Variants in GADL1 observed in about 807,000 individuals in gnomAD.
GADL1 encodes acidic amino acid decarboxylase GADL1.
Under a neutral mutation model 69.5 loss-of-function variants are expected in GADL1, and 71 were observed. The observed-to-expected ratio is 1.02, with a 90% confidence interval of 0.84 to 1.25. The LOEUF (loss-of-function observed/expected upper bound fraction) is 1.25, where lower values mean the gene tolerates loss of function less well. Ranked by LOEUF, GADL1 falls within the 50% of genes most tolerant of loss-of-function variation. The pLI is 0.00. For missense variants in GADL1, 737 were observed against 631.8 expected, an observed-to-expected ratio of 1.17 and a Z score of -1.79; for synonymous variants, 254 against 214.4, an observed-to-expected ratio of 1.18 and a Z score of -1.62.
chr3:30,786,414 T>G lies in GADL1; in HGVS notation c.1251-8A>C. The G allele has an allele frequency of 1.5e-6, 2 of 1,344,968 alleles. No homozygotes were observed. Among genetic ancestry groups the G allele is most frequent in the Non-Finnish European group, 2.1e-6 (2 of 940,162 alleles). The allele number at this position is 1,344,968 out of a possible 1,614,324, so 83.3% of individuals were successfully genotyped here. A position where few individuals can be genotyped will look rare whatever the true frequency, so the allele number is the denominator to read the frequency against. On this transcript the variant is annotated splice_polypyrimidine_tract_variant and splice_region_variant and intron_variant, in intron 12 of 14. Coordinates refer to ENST00000282538, the MANE Select transcript of GADL1 (RefSeq NM_207359.3). The stretch of plus-strand genomic sequence containing the variant: ...ATTTCATCTACTAGGTACCTAAAAT[T>G]AAAAGTCACAATAATATTTATAATC...
At chr3:30,867,918 T>C (rs1698427749) in intron 1 of GADL1, among the ~76,000 whole-genome samples, 1 of 152,048 alleles carries the variant, frequency 6.6e-6, no homozygotes, top group Non-Finnish European at 1.5e-5. Context: ...GTTGTGGTTA[T>C]AGGAGAAGCT....
chr3:30,821,644 A>T (rs1483592186), intron 11 of GADL1, among the ~76,000 whole-genome samples: 1 of 152,068 alleles, frequency 6.6e-6, no homozygotes, highest in Non-Finnish European at 1.5e-5. Context: ...ATTAATTCAC[A>T]GGTTTAATAT....
chr3:30,789,432 C>T (rs895554941), intron 12 of GADL1, among the ~76,000 whole-genome samples: 4 of 152,128 alleles, frequency 2.6e-5, no homozygotes, highest in African/African-American at 7.2e-5. Flanking sequence ...GTAAGTTTAG[C>T]GTAAATCTGA....
intron 12 of GADL1, chr3:30,799,838 CA>C (rs1375580099): frequency 2.0e-5 from 3 of 152,276 alleles, no homozygotes; most frequent in African/African-American, 7.2e-5. Flanking sequence ...ATCTCTAGGA[CA>C]GGGGCAAAAT....
intron 1 of GADL1, among the ~76,000 whole-genome samples, chr3:30,868,876 A>T (rs1012050526): frequency 6.6e-6 from 1 of 151,936 alleles, no homozygotes; most frequent in East Asian, 1.9e-4. Flanking sequence ...GAATCCAGAC[A>T]TCTGGTTGGG....
At chr3:30,743,908 T>C (rs372430971) in intron 14 of GADL1, among the ~76,000 whole-genome samples, 7 of 152,088 alleles carry the variant, frequency 4.6e-5, no homozygotes. Context: ...TCCTTTCCCT[T>C]TGGTGCAAGA....
intron 14 of GADL1, among the ~76,000 whole-genome samples, chr3:30,741,001 ATATATAT>A (rs1169762536): frequency 2.2e-5 from 2 of 89,162 alleles, no homozygotes; most frequent in Admixed American, 1.0e-4. Flanking sequence ...TTATATATTA[ATATATAT>A]TATATATTAT....
In GADL1 at chr3:30,870,711, C is replaced by T. The variant is rs74602540; in HGVS notation, c.38-8946G>A. The stretch of plus-strand genomic sequence containing the variant: ...GAACTTTGGTCTGGATGGTGGCAGA[C>T]GAGATGGAGCAAAGTGCTGCAACTT... On this transcript the variant is annotated intron_variant, in intron 1 of 14. Coordinates refer to ENST00000282538, the MANE Select transcript of GADL1 (RefSeq NM_207359.3). Among the ~76,000 whole-genome samples the T allele has an allele frequency of 2.9e-3, 441 of 151,590 alleles. 9 individuals carry two copies. The highest frequency in any genetic ancestry group is 0.01 in the African/African-American group (420 of 41,210).
intron 1 of GADL1, among the ~76,000 whole-genome samples, chr3:30,886,505 C>G (rs1698713597): frequency 6.6e-6 from 1 of 152,070 alleles, no homozygotes; most frequent in Non-Finnish European, 1.5e-5. Flanking sequence ...GAGAAGAGGA[C>G]AGGGCAAGGC....
chr3:30,843,197 G>A (rs112682880), intron 8 of GADL1, among the ~76,000 whole-genome samples: 17 of 151,742 alleles, frequency 1.1e-4, no homozygotes, highest in African/African-American at 4.1e-4. Flanking sequence ...GAGAGAAGCA[G>A]CAAATCTAGC....
intron 13 of GADL1, among the ~76,000 whole-genome samples, chr3:30,783,025 T>C (rs771716305): frequency 2.0e-5 from 3 of 152,198 alleles, no homozygotes; most frequent in Non-Finnish European, 4.4e-5. Flanking sequence ...ATTAGAGCTA[T>C]CTGGAAGAGG....
At chr3:30,850,190 G>A (rs1007144318) in intron 5 of GADL1, 79 bp from the exon 6 acceptor site, 2 of 775,472 alleles carry the variant, frequency 2.6e-6, no homozygotes, top group Middle Eastern at 2.2e-4. Flanking sequence ...TGGAAAGCAT[G>A]AATGGCCATG....
chr3:30,776,843 C>G (rs1395714557), intron 14 of GADL1, among the ~76,000 whole-genome samples: 1 of 152,168 alleles, frequency 6.6e-6, no homozygotes, highest in Non-Finnish European at 1.5e-5. Context: ...TTCTTTGCAC[C>G]CCTGTGGTCT....
intron 11 of GADL1, among the ~76,000 whole-genome samples, chr3:30,812,868 CAGG>C (rs931604882): frequency 1.1e-4 from 17 of 151,162 alleles, no homozygotes; most frequent in Admixed American, 1.1e-3. Context: ...GGGAGGAGGA[CAGG>C]AGGAAGGAGA....
chr3:30,776,124 TTA>T (rs1696531571), intron 14 of GADL1, among the ~76,000 whole-genome samples: 2 of 152,326 alleles, frequency 1.3e-5, no homozygotes, highest in Admixed American at 6.5e-5. Context: ...TGAGATTAGC[TTA>T]TATATCCATA....
At chr3:30,752,866 TAA>T (rs150796397) in intron 14 of GADL1, among the ~76,000 whole-genome samples, 1,610 of 152,178 alleles carry the variant, frequency 0.011, 29 homozygotes, top group African/African-American at 0.037. Context: ...CTCAAATAAC[TAA>T]AAGTGGCTAG....
chr3:30,783,990 C>T (rs935968916), intron 13 of GADL1, among the ~76,000 whole-genome samples: 1 of 152,224 alleles, frequency 6.6e-6, no homozygotes, highest in Middle Eastern at 3.4e-3. Flanking sequence ...AGCACTATAG[C>T]TCCCAACACC....
rs1024184020 is a variant in GADL1 at position 30,864,154 on chromosome 3, A to G, written c.38-2389T>C. On this transcript the variant is annotated intron_variant, in intron 1 of 14. Transcript: ENST00000282538. The stretch of plus-strand genomic sequence containing the variant: ...ACTTTCCTCTCCTCCCAAATTTTTT[A>G]GGCCCTAAAAATAGAGTAAGAAAGA... 3.3e-5 allele frequency among the ~76,000 whole-genome samples: 5 copies of G among 152,130 alleles called. No homozygotes were observed. The East Asian group carries it at 7.8e-4, about 24-fold the overall frequency.
chr3:30,733,947 T>G (rs1695504849), intron 14 of GADL1, among the ~76,000 whole-genome samples: 1 of 152,156 alleles, frequency 6.6e-6, no homozygotes. Context: ...GGCAGAGTTT[T>G]TCCTGTCTCA....
Sources: gnomAD v4.1 joint callset for allele counts (sites outside exome capture counted in the v4.1 genomes callset) on GRCh38, gnomAD v4.1.1 for gene constraint, MANE v1.5 for transcripts, NCBI Gene and HGNC (gene_info 2026-07-23, HGNC 2026-07-21) for gene names.